The following HACL1 variants were observed in gnomAD, a reference collection of about 807,000 sequenced individuals.
The protein encoded by HACL1 is 2-hydroxyacyl-CoA lyase 1.
In HACL1, 64 loss-of-function variants were observed where a neutral mutation model predicts 74.2. The observed-to-expected ratio is 0.86, with a 90% confidence interval of 0.70 to 1.06. HACL1 has a LOEUF of 1.06. Among genes scored for constraint, HACL1 ranks in the 50% least tolerant of loss-of-function variants. The pLI, the probability that HACL1 is intolerant of heterozygous loss-of-function variation, is 0.00. For synonymous variants in HACL1, 230 were observed against 238.8 expected (o/e 0.96, Z 0.34); for missense variants, 728 against 719.7 (o/e 1.01, Z -0.13).
rs1208486744 is a variant in HACL1, at chr3:15,592,400, A to G, written c.228-720T>C. ...CACACGTATACACACACGTGTATACATGTAGACACACGTATACACACACGT... is the reference window on the plus strand; with the variant it reads ...CACACGTATACACACACGTGTATACGTGTAGACACACGTATACACACACGT... On this transcript the variant is annotated intron_variant, in intron 3 of 16. Coordinates refer to ENST00000321169, the MANE Select transcript of HACL1 (RefSeq NM_012260.4). 2.0e-5 allele frequency among the ~76,000 whole-genome samples: 3 copies of G among 151,508 alleles called. 1 individual carries two copies. The highest frequency in any genetic ancestry group is 4.2e-4 in the South Asian group (2 of 4,812).
At chr3:15,576,349 C>T (rs890765867) in intron 9 of HACL1, among the ~76,000 whole-genome samples, 1 of 151,828 alleles carries the variant, frequency 6.6e-6, no homozygotes, top group Non-Finnish European at 1.5e-5. Flanking sequence ...TCACATTGGT[C>T]CCTAGAAGCA....
At chr3:15,577,700 A>G (rs1436208238) in intron 9 of HACL1, among the ~76,000 whole-genome samples, 1 of 152,012 alleles carries the variant, frequency 6.6e-6, no homozygotes, top group Non-Finnish European at 1.5e-5. Flanking sequence ...TGGGAGGCTG[A>G]GGTGGGAGGA....
chr3:15,579,063 G>C (rs937745723), intron 9 of HACL1, among the ~76,000 whole-genome samples: 2 of 152,178 alleles, frequency 1.3e-5, no homozygotes, highest in Admixed American at 6.5e-5. Flanking sequence ...ACTTATATAT[G>C]GTTAAGTTCA....
intron 12 of HACL1, 114 bp downstream of exon 12, chr3:15,571,554 C>A (rs541771095): frequency 4.3e-5 from 31 of 722,386 alleles, no homozygotes; most frequent in Admixed American, 2.5e-4. Flanking sequence ...GGGGTTTTCA[C>A]TGCACAATTT....
intron 1 of HACL1, 28 bp from the exon 2 acceptor site, chr3:15,601,222 C>T (rs1157830634): frequency 1.3e-6 from 2 of 1,569,884 alleles, no homozygotes; most frequent in Non-Finnish European, 1.8e-6. Flanking sequence ...GGGGAGTAAA[C>T]TCCCAAGGCC....
chr3:15,581,325 T>A (rs2063713439), intron 8 of HACL1, among the ~76,000 whole-genome samples: 1 of 152,214 alleles, frequency 6.6e-6, no homozygotes, highest in South Asian at 2.1e-4. Context: ...GACCACTATT[T>A]TTTTTTGCTA....
intron 3 of HACL1, among the ~76,000 whole-genome samples, chr3:15,592,339 ACC>A (rs1252328870): frequency 2.1e-5 from 3 of 139,782 alleles, no homozygotes; most frequent in Admixed American, 6.9e-5. Context: ...TACTCTGGGC[ACC>A]AGAGTATACT....
intron 3 of HACL1, among the ~76,000 whole-genome samples, chr3:15,593,925 G>A (rs1316419841): frequency 1.3e-5 from 2 of 151,016 alleles, no homozygotes; most frequent in East Asian, 2.0e-4. Flanking sequence ...AGCCTCCCAA[G>A]TAGCTGGGAT....
rs538832427 is a variant in HACL1, at chr3:15,590,083, T to G, written c.309-471A>C. On this transcript the variant is annotated intron_variant, in intron 4 of 16. Coordinates refer to ENST00000321169, the MANE Select transcript of HACL1 (RefSeq NM_012260.4). ...ATTAAAAAATATCTAAGAAGCAACC[T>G]GATATGAGAGAACTTTCCTTAATAT... is the stretch of plus-strand genomic sequence containing the variant. 3.4e-5 allele frequency among the ~76,000 whole-genome samples: 5 copies of G among 147,204 alleles called. No individual in the cohort carries two copies. In the East Asian group the frequency reaches 9.1e-4, roughly 27 times the overall value.
intron 4 of HACL1, among the ~76,000 whole-genome samples, chr3:15,590,422 TAAA>T (rs1466013894): frequency 6.6e-6 from 1 of 151,436 alleles, no homozygotes; most frequent in Non-Finnish European, 1.5e-5. Context: ...AAAAGGAAAG[TAAA>T]GAAGAAACTA....
intron 3 of HACL1, among the ~76,000 whole-genome samples, chr3:15,592,455 C>T (rs1284338360): frequency 8.1e-6 from 1 of 123,942 alleles, no homozygotes; most frequent in Non-Finnish European, 1.6e-5. Context: ...TACATACACA[C>T]ACGTATACAT....
intron 7 of HACL1, 94 bp downstream of exon 7, chr3:15,585,154 A>G: frequency 1.5e-6 from 1 of 645,880 alleles, no homozygotes; most frequent in Non-Finnish European, 2.8e-6. Context: ...ATGGAAATTA[A>G]CTTATAAACT....
chr3:15,598,627 G>A (rs753698879), intron 2 of HACL1, among the ~76,000 whole-genome samples: 12 of 152,192 alleles, frequency 7.9e-5, no homozygotes, highest in Non-Finnish European at 1.6e-4. Context: ...CTGACAATCT[G>A]CCTACTTGCT....
At chr3:15,599,940 A>G (rs2064155560) in intron 2 of HACL1, among the ~76,000 whole-genome samples, 1 of 152,240 alleles carries the variant, frequency 6.6e-6, no homozygotes, top group South Asian at 2.1e-4. Context: ...ATAGGTCAAT[A>G]GCTTCATTTT....
At chr3:15,579,345 T>C (rs2063682741) in intron 9 of HACL1, among the ~76,000 whole-genome samples, 1 of 152,178 alleles carries the variant, frequency 6.6e-6, no homozygotes, top group Non-Finnish European at 1.5e-5. Context: ...TATTATAATT[T>C]ACCCCATCAT....
intron 8 of HACL1, among the ~76,000 whole-genome samples, chr3:15,581,368 C>T (rs1368090245): frequency 1.3e-5 from 2 of 152,058 alleles, no homozygotes; most frequent in Non-Finnish European, 2.9e-5. Flanking sequence ...TATATTATTC[C>T]ATATTCTGTA....
rs111251773 is a variant in HACL1, at chr3:15,579,807, C to T, written c.803+103G>A. On this transcript the variant is annotated intron_variant, in intron 9 of 16. Transcript: ENST00000321169. ...AAATAAACAGGTATGCTTAAAATTC[C>T]ATGATTCTTTCAGAACTCCATCCTA... 1.5e-4 allele frequency: 121 copies of T among 820,714 alleles called. No individual in the cohort carries two copies. In the African/African-American group the frequency reaches 1.8e-3, roughly 12 times the overall value. 50.8% of individuals were successfully genotyped at this position (820,714 alleles called of 1,614,324 possible).
At position 15,571,760 on chromosome 3, in the gene HACL1, C is replaced by A. The variant is rs2063531965; in HGVS notation, c.1003G>T (p.Glu335Ter). Residue 335 changes from glutamate (E) to a stop codon, truncating the protein, a stop_gained, in exon 12 of 17, where the codon GAA becomes TAA. Transcript: ENST00000321169. LOFTEE classifies it high-confidence loss of function. Reference protein sequence around the residue: ...IHAVTKQLLEELDKTPWQYPP... With the variant: ...IHAVTKQLLE ...TACTGCCATGGTGTTTTATCAAGTT[C>A]CTCTAAAAGCTTAAAAAAAAAAAAA... The A allele has an allele frequency of 2.3e-6, 3 of 1,313,232 alleles. No homozygotes were observed. The African/African-American group carries it at 4.5e-5, about 20-fold the overall frequency. 81.3% of individuals were successfully genotyped at this position (1,313,232 alleles called of 1,614,324 possible).
Position 15,564,539 on chromosome 3 carries a change from TTGGTTACTTACAC to T in HACL1, c.1516_1517+11del, listed in dbSNP as rs754796732. ...AAGAGAAAGTAAACAGACATTGGTC[TTGGTTACTTACAC>T]TGCAGTAGCATCTTGAAATTTTAAC... On this transcript the variant is annotated splice_donor_variant and splice_donor_5th_base_variant and coding_sequence_variant and intron_variant, in exon 15 of 17. Transcript: ENST00000321169. LOFTEE classifies it high-confidence loss of function. 211 of 1,123,448 alleles carry T rather than the reference TTGGTTACTTACAC, an allele frequency of 1.9e-4. 4 individuals carry two copies. The South Asian group carries it at 2.6e-3, about 14-fold the overall frequency. 69.6% of individuals were successfully genotyped at this position (1,123,448 alleles called of 1,614,324 possible).
Sources: gnomAD v4.1 joint callset for allele counts (sites outside exome capture counted in the v4.1 genomes callset) on GRCh38, gnomAD v4.1.1 for gene constraint, MANE v1.5 for transcripts, NCBI Gene and HGNC (gene_info 2026-07-23, HGNC 2026-07-21) for gene names.